The following DGKB variants were observed in gnomAD, a reference collection of about 807,000 sequenced individuals.
DGKB encodes the protein diacylglycerol kinase beta, also known as 90 kDa diacylglycerol kinase.
DGKB carries 67 observed loss-of-function variants against 114.3 expected under a neutral mutation model. The observed-to-expected ratio is 0.59, with a 90% CI of 0.48 to 0.72. The LOEUF (loss-of-function observed/expected upper bound fraction) is 0.72. Among genes scored for constraint, DGKB ranks in the 30% least tolerant of loss-of-function variants. DGKB has a pLI of 0.00. For synonymous variants in DGKB, 398 were observed against 323.1 expected (o/e 1.23, Z -2.49); for missense variants, 907 against 975.2 (o/e 0.93, Z 0.93).
rs186828410 is a variant in DGKB, at chr7:14,196,167, C to T, written c.2123-18016G>A. 3.9e-5 allele frequency among the ~76,000 whole-genome samples: 6 copies of T among 152,144 alleles called. No individual in the cohort carries two copies. The East Asian group carries it at 7.8e-4, about 20-fold the overall frequency. ...CAGTGTGTGTATTTAAGGAGTTTTGCTGTTAATGCAGGACTAAGGACCCCT... is the reference window on the plus strand; with the variant it reads ...CAGTGTGTGTATTTAAGGAGTTTTGTTGTTAATGCAGGACTAAGGACCCCT... On this transcript the variant is annotated intron_variant, in intron 23 of 25. Transcript: ENST00000402815.
chr7:14,698,742 C>T (rs1304779985), intron 7 of DGKB, among the ~76,000 whole-genome samples: 1 of 152,054 alleles, frequency 6.6e-6, no homozygotes, highest in African/African-American at 2.4e-5. Context: ...TTATTCTGCT[C>T]AATTATCAAC....
chr7:14,170,425 C>T (rs1260789046), intron 25 of DGKB, among the ~76,000 whole-genome samples: 1 of 152,108 alleles, frequency 6.6e-6, no homozygotes, highest in Non-Finnish European at 1.5e-5. Context: ...TAAACATGTA[C>T]ACATACAACA....
chr7:14,676,087 T>C (rs967668497), intron 12 of DGKB, among the ~76,000 whole-genome samples: 5 of 152,150 alleles, frequency 3.3e-5, no homozygotes, highest in Non-Finnish European at 7.3e-5. Flanking sequence ...ATATCATCTT[T>C]GCTGTGAACT....
At chr7:14,299,207 G>C (rs1424032260) in intron 23 of DGKB, among the ~76,000 whole-genome samples, 1 of 152,074 alleles carries the variant, frequency 6.6e-6, no homozygotes, top group African/African-American at 2.4e-5. Context: ...TAGAAGGAGA[G>C]TATTGGAGGA....
chr7:14,938,700 T>C (rs1785400470), intron 1 of DGKB, among the ~76,000 whole-genome samples: 1 of 152,146 alleles, frequency 6.6e-6, no homozygotes, highest in African/African-American at 2.4e-5. Flanking sequence ...AAAGACAGAA[T>C]TGAAAACATA....
At chr7:14,266,132 C>T (rs1797486521) in intron 23 of DGKB, among the ~76,000 whole-genome samples, 1 of 152,080 alleles carries the variant, frequency 6.6e-6, no homozygotes, top group African/African-American at 2.4e-5. Flanking sequence ...AAATAGCTAT[C>T]AGTGTGTAGA....
At chr7:14,520,142 T>A (rs6979012) in intron 20 of DGKB, among the ~76,000 whole-genome samples, 64,958 of 150,204 alleles carry the variant, frequency 0.43, 14,903 homozygotes, top group East Asian at 0.72. Context: ...AAAGATTTCC[T>A]CATATTTTTT....
intron 2 of DGKB, among the ~76,000 whole-genome samples, chr7:14,758,901 AT>A (rs1447596993): frequency 1.5e-5 from 2 of 134,962 alleles, no homozygotes; most frequent in African/African-American, 3.8e-5. Context: ...AGATAGATAG[AT>A]AGATAGATAG....
At chr7:14,488,861 C>A (rs199940853) in intron 20 of DGKB, among the ~76,000 whole-genome samples, 6 of 96,506 alleles carry the variant, frequency 6.2e-5, no homozygotes, top group African/African-American at 2.1e-4. Flanking sequence ...ACAAAAAAAA[C>A]CCAACAACAA....
intron 23 of DGKB, among the ~76,000 whole-genome samples, chr7:14,322,599 A>C (rs928610184): frequency 4.6e-5 from 7 of 152,318 alleles, no homozygotes; most frequent in African/African-American, 1.7e-4. Context: ...AAAAAGTAAT[A>C]AATGGATACA....
intron 25 of DGKB, among the ~76,000 whole-genome samples, chr7:14,153,694 CA>C (rs1362295245): frequency 2.6e-5 from 4 of 151,886 alleles, no homozygotes; most frequent in African/African-American, 9.7e-5. Context: ...GCTTAAATCA[CA>C]CATTATTGTA....
At chr7:14,394,129 G>T (rs1273397301) in intron 21 of DGKB, among the ~76,000 whole-genome samples, 1 of 152,114 alleles carries the variant, frequency 6.6e-6, no homozygotes, top group African/African-American at 2.4e-5. Context: ...CCTTTCCAAG[G>T]TTCCAATTTT....
At chr7:14,348,477 C>G (rs940964203) in intron 21 of DGKB, among the ~76,000 whole-genome samples, 6 of 151,138 alleles carry the variant, frequency 4.0e-5, no homozygotes, top group Admixed American at 4.0e-4. Context: ...GACATTTCAC[C>G]AAAATAGATA....
rs1057296216 is a variant in DGKB, at chr7:14,396,071, T to C, written c.1836-50680A>G. On this transcript the variant is annotated intron_variant, in intron 21 of 25. Coordinates refer to ENST00000402815, the MANE Select transcript of DGKB (RefSeq NM_001350709.2). ...ATATGACTATATCACTGGAGAATGG[T>C]AGGGCAGGTTAACCTTACATGTTGG... Among the ~76,000 whole-genome samples, 13 of 152,004 alleles carry C rather than the reference T, an allele frequency of 8.6e-5. 1 individual carries two copies. The highest frequency in any genetic ancestry group is 7.9e-4 in the Admixed American group (12 of 15,242).
At chr7:14,763,558 C>G (rs1419721624) in intron 2 of DGKB, among the ~76,000 whole-genome samples, 2 of 151,964 alleles carry the variant, frequency 1.3e-5, no homozygotes, top group Admixed American at 6.6e-5. Flanking sequence ...TGACCCAAAC[C>G]CATTCTCGTC....
At chr7:14,334,825 G>A (rs1810387331) in intron 23 of DGKB, among the ~76,000 whole-genome samples, 1 of 152,064 alleles carries the variant, frequency 6.6e-6, no homozygotes, top group Non-Finnish European at 1.5e-5. Context: ...TGAAAGACAT[G>A]GGAAAGGTCG....
At chr7:14,696,441 G>C (rs1030551379) in intron 8 of DGKB, among the ~76,000 whole-genome samples, 2 of 144,746 alleles carry the variant, frequency 1.4e-5, no homozygotes, top group African/African-American at 5.1e-5. Flanking sequence ...CTTGCAGTGA[G>C]CCGAGATTGC....
At chr7:14,356,633 T>C (rs1176798594) in intron 21 of DGKB, among the ~76,000 whole-genome samples, 1 of 152,072 alleles carries the variant, frequency 6.6e-6, no homozygotes, top group Non-Finnish European at 1.5e-5. Context: ...GTGCTGGGAT[T>C]ACAGGCGTGA....
At chr7:14,929,206 A>G (rs1321031658) in intron 1 of DGKB, among the ~76,000 whole-genome samples, 2 of 152,050 alleles carry the variant, frequency 1.3e-5, no homozygotes, top group African/African-American at 4.8e-5. Flanking sequence ...GAGTGCAGAT[A>G]TCTTTTTGGT....
Sources: allele counts gnomAD v4.1 joint callset (sites outside exome capture counted in the v4.1 genomes callset), GRCh38; gene constraint gnomAD v4.1.1; transcripts MANE v1.5; gene names NCBI Gene and HGNC (gene_info 2026-07-23, HGNC 2026-07-21).